The following VWDE variants were observed in gnomAD, a reference collection of about 807,000 sequenced individuals.
VWDE encodes von Willebrand factor D and EGF domain-containing protein.
VWDE carries 207 observed loss-of-function variants against 178.4 expected under a neutral mutation model. The ratio of observed to expected loss-of-function variants is 1.16; its 90% CI spans 1.04 to 1.30. The LOEUF is 1.30. Ranked by LOEUF, VWDE falls within the 50% of genes most tolerant of loss-of-function variation. The probability of loss-of-function intolerance (pLI) is 0.00; values close to 1 mark genes in which losing one functional copy is unlikely to be tolerated. For synonymous variants in VWDE, 738 were observed against 651.4 expected (o/e 1.13, Z -2.02); for missense variants, 2,287 against 1,901.3 (o/e 1.20, Z -3.77).
At chr7:12,387,782 T>A (rs1784177450) in intron 3 of VWDE, among the ~76,000 whole-genome samples, 1 of 152,150 alleles carries the variant, frequency 6.6e-6, no homozygotes, top group Admixed American at 6.5e-5. Context: ...CAATCAAGTG[T>A]TCATCTGCTT....
chr7:12,347,833 G>A (rs1051996787), intron 19 of VWDE, among the ~76,000 whole-genome samples: 6 of 151,934 alleles, frequency 3.9e-5, no homozygotes, highest in African/African-American at 1.5e-4. Flanking sequence ...ATACTACAAG[G>A]CTACAGTAAC....
chr7:12,402,212 T>C (rs847992), intron 1 of VWDE, among the ~76,000 whole-genome samples: 9,133 of 152,300 alleles, frequency 0.06, 343 homozygotes, highest in Middle Eastern at 0.11. Flanking sequence ...TTGATAAATA[T>C]GTTCTAAAAT....
rs748049687 is a variant in VWDE, at chr7:12,357,374, C to A, written c.3416G>T (p.Ser1139Ile). Reference protein sequence around the residue: ...FTLDSGPEGASVSSAGLFMWK... With the variant: ...FTLDSGPEGAIVSSAGLFMWK... ...CATAAAAAGCCCTGCAGAGGAAACA[C>A]TTGCCCCTTCAGGACCAGAGTCCAA... Residue 1139 changes from serine (S) to isoleucine (I), a missense_variant, in exon 17 of 29, where the codon AGT becomes ATT. Transcript: ENST00000275358. The A allele has an allele frequency of 6.4e-7, 1 of 1,551,948 alleles. No homozygotes were observed. The highest frequency in any genetic ancestry group is 8.7e-7 in the Non-Finnish European group (1 of 1,147,054).
In VWDE at chr7:12,336,089, TAACAG is replaced by T. The variant is rs1323684711; in HGVS notation, c.4654+47_4654+51del. On this transcript the variant is annotated intron_variant, in intron 27 of 28. Transcript: ENST00000275358. ...TCCTAAAGCTATACTTTAATTATTA[TAACAG>T]ATTCCAATTCAGAACATATAGTAGG... 122 of 1,447,070 alleles carry T rather than the reference TAACAG, an allele frequency of 8.4e-5. No individual in the cohort carries two copies. The African/African-American group carries it at 1.5e-3, about 18-fold the overall frequency. The allele number at this position is 1,447,070 out of a possible 1,614,324, so 89.6% of individuals were successfully genotyped here.
chr7:12,377,261 T>C (rs374636742), intron 7 of VWDE, among the ~76,000 whole-genome samples: 58 of 152,088 alleles, frequency 3.8e-4, no homozygotes, highest in Middle Eastern at 3.2e-3. Flanking sequence ...TAATCAGTAA[T>C]TGAAATAGAA....
rs760894714 is a variant in VWDE at position 12,373,230 on chromosome 7, T to C, written c.1334A>G (p.Lys445Arg). The C allele has an allele frequency of 1.2e-5, 18 of 1,551,106 alleles. No homozygotes were observed. In the African/African-American group the frequency reaches 2.3e-4, roughly 20 times the overall value. ...CTTATAAAGCACAAATGTTCCAGTC[T>C]TGAAATTATCATATACCCTATCATT... Reference protein sequence around the residue: ...TFDGRVYDNFKTGTFVLYKSM... With the variant: ...TFDGRVYDNFRTGTFVLYKSM... Residue 445 changes from lysine to arginine, a missense_variant, in exon 10 of 29, where the codon AAG becomes AGG. Physicochemically the swap from Lys to Arg is conservative, Grantham distance 26. Transcript: ENST00000275358.
chr7:12,370,806 A>AGGC lies in VWDE; in HGVS notation c.1645_1646insGCC (p.Ser548_Leu549insArg), dbSNP rs1392605080. 1.3e-6 allele frequency: 2 copies of AGGC among 1,551,100 alleles called. No homozygotes were observed. Among genetic ancestry groups the AGGC allele is most frequent in the African/African-American group, 2.7e-5 (2 of 73,002 alleles). ...ATCTACACTAGGGGCTCTGATCGTT[A>AGGC]GACTCATGCCCCATTCACCAAGATC... is the stretch of plus-strand genomic sequence containing the variant. On this transcript the variant is annotated inframe_insertion, in exon 11 of 29. Transcript: ENST00000275358.
intron 27 of VWDE, among the ~76,000 whole-genome samples, chr7:12,334,408 C>A (rs916284070): frequency 6.6e-6 from 1 of 152,006 alleles, no homozygotes; most frequent in African/African-American, 2.4e-5. Context: ...GAAGCTTACA[C>A]ATTCAAGAAT....
intron 19 of VWDE, among the ~76,000 whole-genome samples, chr7:12,351,168 T>C (rs1271845704): frequency 6.6e-6 from 1 of 152,084 alleles, no homozygotes; most frequent in African/African-American, 2.4e-5. Context: ...AATCACAGAA[T>C]GATTAAACCA....
chr7:12,394,429 G>A lies in VWDE; in HGVS notation c.59-651C>T, dbSNP rs146978975. Among the ~76,000 whole-genome samples, 11 of 152,242 alleles carry A rather than the reference G, an allele frequency of 7.2e-5. No individual in the cohort carries two copies. The East Asian group carries it at 9.6e-4, about 13-fold the overall frequency. The stretch of plus-strand genomic sequence containing the variant: ...AGGGGAAACAAGAAAAGCCCATGGC[G>A]AAAGGGAGAATTATTTAGTCTTTTT... On this transcript the variant is annotated intron_variant, in intron 1 of 28. Transcript: ENST00000275358.
chr7:12,349,339 G>A (rs1292473656), intron 19 of VWDE, among the ~76,000 whole-genome samples: 1 of 150,960 alleles, frequency 6.6e-6, no homozygotes, highest in Non-Finnish European at 1.5e-5. Flanking sequence ...AAGAAAAAAA[G>A]TATTGGACCT....
rs759814534 is a variant in VWDE at position 12,369,908 on chromosome 7, C to T, written c.2398G>A (p.Gly800Ser). Residue 800 changes from glycine (G) to serine (S), a missense_variant, in exon 12 of 29, where the codon GGC (glycine) becomes AGC (serine). Coordinates refer to ENST00000275358, the MANE Select transcript of VWDE (RefSeq NM_001135924.3). The part of the protein sequence containing the change: ...EFFPSWPTPS[G>S]LTEYSTLTLC... ...GTCAAGGTGCTATACTCGGTGAGGC[C>T]AGAGGGAGTGGGCCAAGAGGGGAAA... 2.6e-6 allele frequency: 4 copies of T among 1,551,420 alleles called. No individual in the cohort carries two copies. The South Asian group carries it at 3.6e-5, about 14-fold the overall frequency.
chr7:12,357,328 A>G lies in VWDE; in HGVS notation c.3462T>C (p.Thr1154=). ...TAAGGCGTACAGTAATTTGTTGGGT[A>G]GTTAGTAAATCTGTTTTCCACATAA... ...GLFMWKTDLL[T]TQQITVRLND... Residue 1154 remains threonine (T), a synonymous_variant, in exon 17 of 29, where the codon ACT becomes ACC. Transcript: ENST00000275358. 1 of 1,552,198 alleles carries G rather than the reference A, an allele frequency of 6.4e-7. No homozygotes were observed. The highest frequency in any genetic ancestry group is 1.2e-5 in the South Asian group (1 of 84,066).
chr7:12,383,808 A>G (rs1403514460), intron 3 of VWDE, among the ~76,000 whole-genome samples: 1 of 152,168 alleles, frequency 6.6e-6, no homozygotes, highest in Admixed American at 6.5e-5. Flanking sequence ...TCAAAGCTTT[A>G]ATATCTTATT....
chr7:12,377,480 G>GA (rs1275906389), intron 7 of VWDE: 6 of 193,308 alleles, frequency 3.1e-5, no homozygotes, highest in East Asian at 1.2e-4. Context: ...AGGAGAATGA[G>GA]AAAAAAATAG....
At chr7:12,390,272 A>G (rs531065230) in intron 2 of VWDE, among the ~76,000 whole-genome samples, 1 of 152,194 alleles carries the variant, frequency 6.6e-6, no homozygotes, top group Non-Finnish European at 1.5e-5. Context: ...CCCAGGAAAA[A>G]TAAGAAGAAA....
Position 12,343,096 on chromosome 7 carries a change from T to C in VWDE, c.4161A>G (p.Pro1387=), listed in dbSNP as rs1433459560. The change falls in exon 22 of 29, where the codon CCA becomes CCG. Residue 1387 remains proline, a synonymous_variant. Transcript: ENST00000275358. ...AGCTTTGCTTACTTGTTTCACACCT[T>C]GGTCCTACAAAACCATAAGGACAAG... ...LCTCPYGFVG[P]RCETMVCNRH... The C allele has an allele frequency of 7.1e-6, 11 of 1,549,462 alleles. No homozygotes were observed. The highest frequency in any genetic ancestry group is 9.6e-6 in the Non-Finnish European group (11 of 1,145,466).
rs1405181558 is a variant in VWDE, at chr7:12,377,882, T to C, written c.918A>G (p.Lys306=). 4.6e-6 allele frequency: 7 copies of C among 1,519,144 alleles called. No homozygotes were observed. The East Asian group carries it at 1.0e-4, about 22-fold the overall frequency. The allele number at this position is 1,519,144 out of a possible 1,614,324, so 94.1% of individuals were successfully genotyped here. The change falls in exon 7 of 29, where the codon AAA becomes AAG. Residue 306 remains lysine, a synonymous_variant. Transcript: ENST00000275358. ...TGCTTTCTATCCTCAGGTAGTATTC[T>C]TTCCCATCCTCTGATATAGTGCTCA... is the stretch of plus-strand genomic sequence containing the variant. ...PELSTISEDG[K]EYYLRIESTV... is the part of the protein sequence containing the mutation.
intron 16 of VWDE, 37 bp downstream of exon 16, chr7:12,359,541 G>T: frequency 7.3e-7 from 1 of 1,372,950 alleles, no homozygotes; most frequent in Non-Finnish European, 1.0e-6. Flanking sequence ...AAAATGTCTT[G>T]TATAGGAAAT....
Sources: allele counts gnomAD v4.1 joint callset (sites outside exome capture counted in the v4.1 genomes callset), GRCh38; gene constraint gnomAD v4.1.1; transcripts MANE v1.5; gene names NCBI Gene and HGNC (gene_info 2026-07-23, HGNC 2026-07-21).